Variants in METTL15 observed in about 807,000 individuals in gnomAD.
The protein encoded by METTL15 is 12S rRNA N(4)-cytidine methyltransferase METTL15.
METTL15 carries 34 observed loss-of-function variants against 38.3 expected under a neutral mutation model. That is an observed-to-expected ratio of 0.89 (90% CI 0.68 to 1.18). METTL15 has a LOEUF of 1.18. Among genes scored for constraint, METTL15 ranks in the 50% most tolerant of loss-of-function variants. METTL15 has a pLI of 0.00. For synonymous variants in METTL15, 162 were observed against 170.9 expected (o/e 0.95, Z 0.41); for missense variants, 438 against 498.4 (o/e 0.88, Z 1.15).
At chr11:28,347,576 A>G (rs920213339) in intron 3 of METTL15, among the ~76,000 whole-genome samples, 5 of 152,188 alleles carry the variant, frequency 3.3e-5, no homozygotes, top group South Asian at 2.1e-4. Context: ...GTCTTTTCCA[A>G]TTCCTTCAGG....
chr11:28,514,273 A>C (rs1416616571), intron 6 of METTL15, among the ~76,000 whole-genome samples: 2 of 152,214 alleles, frequency 1.3e-5, no homozygotes, highest in Non-Finnish European at 2.9e-5. Context: ...GTCAAGTCAG[A>C]ACCTGGGACT....
At chr11:28,431,236 G>T (rs1850924754) in intron 6 of METTL15, among the ~76,000 whole-genome samples, 1 of 143,570 alleles carries the variant, frequency 7.0e-6, no homozygotes, top group African/African-American at 2.5e-5. Flanking sequence ...CTACTGGGAA[G>T]TGAGGAGCCC....
intron 3 of METTL15, chr11:28,197,671 C>T: frequency 3.5e-6 from 1 of 285,416 alleles, no homozygotes; most frequent in Non-Finnish European, 7.2e-6. Context: ...GTTTCTATTT[C>T]TCCCTGCAAT....
chr11:28,479,544 A>T (rs748055143), intron 6 of METTL15, among the ~76,000 whole-genome samples: 2 of 152,196 alleles, frequency 1.3e-5, no homozygotes, highest in Non-Finnish European at 2.9e-5. Context: ...TGCTTTGCAT[A>T]CAAAAGGTTT....
chr11:28,352,805 C>A (rs149078096), intron 4 of METTL15, among the ~76,000 whole-genome samples: 3 of 152,248 alleles, frequency 2.0e-5, no homozygotes, highest in Admixed American at 6.5e-5. Flanking sequence ...CAGGCAACAG[C>A]AAAAACTGAC....
chr11:28,414,644 T>C (rs1242558942), intron 5 of METTL15, among the ~76,000 whole-genome samples: 1 of 152,196 alleles, frequency 6.6e-6, no homozygotes, highest in Non-Finnish European at 1.5e-5. Context: ...TTTTGTTTAG[T>C]CGTTTATTTT....
chr11:28,491,830 C>T (rs1024700197), intron 6 of METTL15, among the ~76,000 whole-genome samples: 2 of 151,996 alleles, frequency 1.3e-5, no homozygotes, highest in African/African-American at 4.8e-5. Context: ...AAAGTATTTA[C>T]TATGTTATTG....
At chr11:28,261,225 A>G (rs1325408509) in intron 4 of METTL15, 1 of 152,244 alleles carries the variant, frequency 6.6e-6, no homozygotes, top group Non-Finnish European at 1.5e-5. Flanking sequence ...TGGCTCAAAG[A>G]AATAAAGAAA....
intron 3 of METTL15, among the ~76,000 whole-genome samples, chr11:28,138,726 G>A (rs1404981293): frequency 6.6e-6 from 1 of 152,154 alleles, no homozygotes; most frequent in Non-Finnish European, 1.5e-5. Flanking sequence ...AAATGGCAGA[G>A]GCCAAAAGAA....
At chr11:28,252,785 T>TA (rs1290535682) in intron 4 of METTL15, among the ~76,000 whole-genome samples, 4 of 152,008 alleles carry the variant, frequency 2.6e-5, no homozygotes, top group African/African-American at 4.8e-5. Flanking sequence ...TTCCACTTTA[T>TA]AAAAAAAACT....
At position 28,315,724 on chromosome 11, in the gene METTL15, G is replaced by A. The variant is rs113159766; in HGVS notation, c.779-14672G>A. 3.3e-5 allele frequency among the ~76,000 whole-genome samples: 5 copies of A among 152,346 alleles called. 1 individual carries two copies. Among genetic ancestry groups the A allele is most frequent in the African/African-American group, 1.2e-4 (5 of 41,592 alleles). On this transcript the variant is annotated intron_variant, in intron 6 of 6. Transcript: ENST00000407364. ...AGATGGATTCATGGGCCAGGCCCAA[G>A]GCCCCCCTGTTCTGTGCAGCCTAGG...
At chr11:28,386,215 T>C (rs1850438979) in intron 5 of METTL15, among the ~76,000 whole-genome samples, 1 of 151,912 alleles carries the variant, frequency 6.6e-6, no homozygotes. Context: ...TAACAAGTTA[T>C]AAAAAAAACA....
At chr11:28,335,888 C>T (rs771336075), downstream of METTL15, among the ~76,000 whole-genome samples, 1 of 152,088 alleles carries the variant, frequency 6.6e-6, no homozygotes, top group Non-Finnish European at 1.5e-5. Flanking sequence ...ATTACCCAGC[C>T]TTGGGTGTTC....
At chr11:28,293,771 C>T (rs1032244637) in intron 5 of METTL15, among the ~76,000 whole-genome samples, 2 of 152,156 alleles carry the variant, frequency 1.3e-5, no homozygotes, top group African/African-American at 2.4e-5. Context: ...AGGTTCTTCA[C>T]GTCCTTTGTC....
chr11:28,284,124 A>G (rs1202382265), intron 4 of METTL15, among the ~76,000 whole-genome samples: 2 of 152,130 alleles, frequency 1.3e-5, no homozygotes, highest in Non-Finnish European at 2.9e-5. Flanking sequence ...TCAGAGAACA[A>G]TTCATTTCTA....
At chr11:28,292,440 T>C (rs1856555047) in intron 5 of METTL15, among the ~76,000 whole-genome samples, 1 of 152,148 alleles carries the variant, frequency 6.6e-6, no homozygotes, top group South Asian at 2.1e-4. Flanking sequence ...TGCCACATTT[T>C]CTTAATCCAG....
At chr11:28,520,946 T>C (rs953829469) in intron 6 of METTL15, among the ~76,000 whole-genome samples, 3 of 152,208 alleles carry the variant, frequency 2.0e-5, no homozygotes, top group Admixed American at 6.5e-5. Context: ...GTTCTCTCTT[T>C]CCATTTTGGG....
At chr11:28,129,125 C>G (rs961155754) in intron 3 of METTL15, among the ~76,000 whole-genome samples, 1 of 152,154 alleles carries the variant, frequency 6.6e-6, no homozygotes, top group East Asian at 1.9e-4. Flanking sequence ...ATAACATATT[C>G]TCAAGGTTAG....
At chr11:28,232,893 C>T (rs1361740735) in intron 4 of METTL15, among the ~76,000 whole-genome samples, 1 of 152,016 alleles carries the variant, frequency 6.6e-6, no homozygotes, top group Non-Finnish European at 1.5e-5. Context: ...CTCTGAATAT[C>T]TAACAGGGCT....
Sources: allele counts gnomAD v4.1 joint callset (sites outside exome capture counted in the v4.1 genomes callset), GRCh38; gene constraint gnomAD v4.1.1; transcripts MANE v1.5; gene names NCBI Gene and HGNC (gene_info 2026-07-23, HGNC 2026-07-21).